Variants in GAB2 observed in about 807,000 individuals in gnomAD.
GAB2 encodes the protein GRB2-associated-binding protein 2.
Under a neutral mutation model 65.5 loss-of-function variants are expected in GAB2, and 26 were observed. That is an observed-to-expected ratio of 0.40 (90% CI 0.29 to 0.55). The LOEUF is 0.55. Among genes scored for constraint, GAB2 ranks in the 20% least tolerant of loss-of-function variants. The pLI, the probability that GAB2 is intolerant of heterozygous loss-of-function variation, is 0.53. For missense variants in GAB2, 884 were observed against 875.8 expected, an observed-to-expected ratio of 1.01 and a Z score of -0.12; for synonymous variants, 321 against 329.6, an observed-to-expected ratio of 0.97 and a Z score of 0.28.
intron 2 of GAB2, among the ~76,000 whole-genome samples, chr11:78,260,023 AAGTAAACATTTGTGGATC>A (rs1208432596): frequency 6.6e-6 from 1 of 152,258 alleles, no homozygotes; most frequent in African/African-American, 2.4e-5. Flanking sequence ...TTTGCATGGT[AAGTAAACATTTGTGGATC>A]AAAGTACTAA....
At chr11:78,402,751 A>G (rs1856990995) in intron 1 of GAB2, among the ~76,000 whole-genome samples, 2 of 152,248 alleles carry the variant, frequency 1.3e-5, no homozygotes, top group South Asian at 4.1e-4. Flanking sequence ...GCGCCCGGCC[A>G]TGAGCAGACT....
intron 2 of GAB2, among the ~76,000 whole-genome samples, chr11:78,256,694 G>A (rs918627083): frequency 6.6e-6 from 1 of 152,162 alleles, no homozygotes. Flanking sequence ...TGTCTCACTG[G>A]GTTGTTTTAG....
chr11:78,329,417 T>G (rs1412975665), intron 1 of GAB2, among the ~76,000 whole-genome samples: 1 of 152,196 alleles, frequency 6.6e-6, no homozygotes, highest in Non-Finnish European at 1.5e-5. Flanking sequence ...GTGTTCCTTT[T>G]AGCATTTATA....
intron 7 of GAB2, 89 bp downstream of exon 7, chr11:78,222,016 G>T: frequency 1.2e-6 from 1 of 867,950 alleles, no homozygotes; most frequent in Non-Finnish European, 2.0e-6. Context: ...TCAGAATCCA[G>T]CTGTCCCGGC....
intron 3 of GAB2, among the ~76,000 whole-genome samples, chr11:78,236,859 C>T (rs552189517): frequency 8.5e-5 from 13 of 152,208 alleles, no homozygotes; most frequent in African/African-American, 2.9e-4. Flanking sequence ...TGTATACACA[C>T]ATGCATATTC....
chr11:78,273,926 T>C (rs557516060), intron 2 of GAB2, among the ~76,000 whole-genome samples: 19 of 152,122 alleles, frequency 1.2e-4, no homozygotes, highest in Non-Finnish European at 2.4e-4. Flanking sequence ...ATATAAGACA[T>C]GACTTGCTCC....
At chr11:78,411,868 A>G (rs1857133850) in intron 1 of GAB2, among the ~76,000 whole-genome samples, 1 of 152,130 alleles carries the variant, frequency 6.6e-6, no homozygotes, top group Non-Finnish European at 1.5e-5. Flanking sequence ...TGTCTCTACT[A>G]AAAATACAAA....
chr11:78,358,283 C>A (rs1280472372), intron 1 of GAB2, among the ~76,000 whole-genome samples: 1 of 95,980 alleles, frequency 1.0e-5, no homozygotes, highest in Non-Finnish European at 2.0e-5. Flanking sequence ...CATCACACAC[C>A]GGGGCCTGTT....
At position 78,250,207 on chromosome 11, in the gene GAB2, CTGAGGT is replaced by C. The variant is rs1302785777; in HGVS notation, c.564_569del (p.Pro189_Gln190del). ...TGCACTGGTGCAAGTAGAGATACTCCTGAGGTGCGCTGGTGGACAAGGTGGGCTGCA... is the reference window on the plus strand; with the variant it reads ...TGCACTGGTGCAAGTAGAGATACTCCGCGCTGGTGGACAAGGTGGGCTGCA... On this transcript the variant is annotated inframe_deletion, in exon 3 of 10. Transcript: ENST00000361507. 6.2e-7 allele frequency: 1 copy of C among 1,613,322 alleles called. No homozygotes were observed. Among genetic ancestry groups the C allele is most frequent in the Admixed American group, 1.7e-5 (1 of 59,864 alleles).
intron 8 of GAB2, 102 bp downstream of exon 8, chr11:78,221,575 C>A: frequency 4.7e-6 from 3 of 632,404 alleles, no homozygotes; most frequent in Non-Finnish European, 5.8e-6. Flanking sequence ...TACAAGGAGT[C>A]CCTGGGCTGA....
At chr11:78,346,674 C>CACATATATATATATAT (rs1419527810) in intron 1 of GAB2, among the ~76,000 whole-genome samples, 1 of 54,910 alleles carries the variant, frequency 1.8e-5, no homozygotes, top group African/African-American at 7.1e-5. Context: ...ACATCCCCTC[C>CACATATATATATATAT]ATATATATAT....
intron 3 of GAB2, among the ~76,000 whole-genome samples, chr11:78,241,158 TATAGTCTAGGCCACTGAG>T (rs1336940073): frequency 6.6e-6 from 1 of 152,228 alleles, no homozygotes; most frequent in African/African-American, 2.4e-5. Flanking sequence ...CACAAACTTC[TATAGTCTAGGCCACTGAG>T]GCACTCCCAG....
At chr11:78,365,448 G>C (rs146977856) in intron 1 of GAB2, among the ~76,000 whole-genome samples, 1 of 152,130 alleles carries the variant, frequency 6.6e-6, no homozygotes, top group Non-Finnish European at 1.5e-5. Flanking sequence ...CTAATGCAGC[G>C]CCCTCCTCAA....
chr11:78,239,368 A>C (rs895424911), intron 3 of GAB2, among the ~76,000 whole-genome samples: 8 of 151,986 alleles, frequency 5.3e-5, no homozygotes, highest in Non-Finnish European at 1.0e-4. Flanking sequence ...TTACAGGCGC[A>C]TGTCACCACA....
chr11:78,319,871 CT>C (rs59307063), intron 1 of GAB2, among the ~76,000 whole-genome samples: 182 of 145,554 alleles, frequency 1.3e-3, no homozygotes, highest in East Asian at 3.4e-3. Flanking sequence ...AAGAAACAGA[CT>C]TTTTTTTTTT....
chr11:78,380,653 T>G (rs1052907854), intron 1 of GAB2, among the ~76,000 whole-genome samples: 1 of 152,202 alleles, frequency 6.6e-6, no homozygotes, highest in Admixed American at 6.5e-5. Flanking sequence ...CTACACACTG[T>G]GAAATTAAAT....
intron 2 of GAB2, among the ~76,000 whole-genome samples, chr11:78,275,654 C>A (rs551054866): frequency 6.6e-6 from 1 of 152,148 alleles, no homozygotes; most frequent in African/African-American, 2.4e-5. Context: ...AGATGATATT[C>A]TTGCTCTGAT....
At chr11:78,244,230 A>G (rs1307096131) in intron 3 of GAB2, among the ~76,000 whole-genome samples, 1 of 152,050 alleles carries the variant, frequency 6.6e-6, no homozygotes, top group Non-Finnish European at 1.5e-5. Flanking sequence ...TGTCTCTATT[A>G]AAAATAGAAA....
chr11:78,238,206 C>CAAAAAAAAAAAAAAAAAAAGAAAAAA (rs1565120459), intron 3 of GAB2, among the ~76,000 whole-genome samples: 1 of 104,806 alleles, frequency 9.5e-6, no homozygotes, highest in Non-Finnish European at 1.9e-5. Flanking sequence ...AGGGAAGAAA[C>CAAAAAAAAAAAAAAAAAAAGAAAAAA]AAAAAAAAAA....
Sources: allele counts gnomAD v4.1 joint callset (sites outside exome capture counted in the v4.1 genomes callset), GRCh38; gene constraint gnomAD v4.1.1; transcripts MANE v1.5; gene names NCBI Gene and HGNC (gene_info 2026-07-23, HGNC 2026-07-21).